Variants in COBL observed in about 807,000 individuals in gnomAD.
COBL encodes the protein cordon-bleu WH2 repeat protein, also known as protein cordon-bleu.
In COBL, 51 loss-of-function variants were observed where a neutral mutation model predicts 98.8. The ratio of observed to expected loss-of-function variants is 0.52; its 90% CI spans 0.41 to 0.65. The LOEUF is 0.65. COBL is among the 30% of genes least tolerant of loss of function. The pLI is 0.00. For synonymous variants in COBL, 634 were observed against 651.7 expected, an observed-to-expected ratio of 0.97 and a Z score of 0.41; for missense variants, 1,617 against 1,617.5, an observed-to-expected ratio of 1.00 and a Z score of 0.01.
At chr7:51,052,026 T>C (rs1027340358) in intron 7 of COBL, among the ~76,000 whole-genome samples, 3 of 152,242 alleles carry the variant, frequency 2.0e-5, no homozygotes, top group Non-Finnish European at 2.9e-5. Context: ...TATCAGACAG[T>C]ACAGCTCAAC....
chr7:51,059,158 C>A (rs796706690), intron 7 of COBL, among the ~76,000 whole-genome samples: 3 of 152,374 alleles, frequency 2.0e-5, no homozygotes, highest in African/African-American at 7.2e-5. Flanking sequence ...GGTAAATCAT[C>A]ACATTACTTG....
intron 7 of COBL, chr7:51,073,505 A>G: frequency 2.0e-6 from 1 of 489,084 alleles, no homozygotes; most frequent in Non-Finnish European, 3.7e-6. Context: ...GCGTTCTATC[A>G]GCCAAAGCAT....
intron 5 of COBL, among the ~76,000 whole-genome samples, chr7:51,147,714 G>A (rs1785163017): frequency 6.6e-6 from 1 of 151,940 alleles, no homozygotes; most frequent in Admixed American, 6.6e-5. Flanking sequence ...AGGCGAAATT[G>A]CGGGACCTAA....
chr7:51,191,948 A>G (rs1790156593), intron 3 of COBL, among the ~76,000 whole-genome samples: 1 of 152,198 alleles, frequency 6.6e-6, no homozygotes, highest in African/African-American at 2.4e-5. Flanking sequence ...ATAACAATGC[A>G]TTTTGGGAGA....
intron 2 of COBL, among the ~76,000 whole-genome samples, chr7:51,211,535 A>G (rs1792431079): frequency 1.3e-5 from 2 of 152,138 alleles, no homozygotes; most frequent in Non-Finnish European, 2.9e-5. Context: ...ATTTGCTCCC[A>G]CCTTTTCTAT....
rs919207567 is a variant in COBL, at chr7:51,156,139, C to A, written c.784-19808G>T. On this transcript the variant is annotated intron_variant, in intron 5 of 12. Transcript: ENST00000265136. ...AAGAAAACAAATATCAAAGACAGTC[C>A]ACTTAGGATATATCACTAAATGTTG... 3.1e-6 allele frequency: 3 copies of A among 976,978 alleles called. No individual in the cohort carries two copies. The South Asian group carries it at 1.4e-4, about 46-fold the overall frequency. 60.5% of individuals were successfully genotyped at this position (976,978 alleles called of 1,614,324 possible). A position where few individuals can be genotyped will look rare whatever the true frequency, so the allele number is the denominator to read the frequency against.
At chr7:51,204,028 A>C (rs1791420296) in intron 2 of COBL, among the ~76,000 whole-genome samples, 1 of 152,236 alleles carries the variant, frequency 6.6e-6, no homozygotes. Flanking sequence ...ATACTCCACA[A>C]CTAAGTAGGA....
chr7:51,120,186 T>A (rs1342300421), intron 6 of COBL, among the ~76,000 whole-genome samples: 1 of 151,844 alleles, frequency 6.6e-6, no homozygotes, highest in Admixed American at 6.6e-5. Context: ...AACAAGGGGG[T>A]CAAAACAGTG....
At chr7:51,265,978 A>G (rs1487594744) in intron 1 of COBL, among the ~76,000 whole-genome samples, 1 of 152,064 alleles carries the variant, frequency 6.6e-6, no homozygotes, top group Non-Finnish European at 1.5e-5. Flanking sequence ...TTTTTTTTCA[A>G]TTCACAATTC....
chr7:51,047,324 T>C (rs954357269), intron 7 of COBL, among the ~76,000 whole-genome samples: 4 of 152,198 alleles, frequency 2.6e-5, no homozygotes, highest in Admixed American at 2.6e-4. Context: ...ACCTAAATTA[T>C]ATAATCCCAT....
chr7:51,173,004 T>C (rs1788029532), intron 5 of COBL, among the ~76,000 whole-genome samples: 1 of 151,880 alleles, frequency 6.6e-6, no homozygotes, highest in African/African-American at 2.4e-5. Context: ...GGCCAGGCTG[T>C]TCTCGAACTC....
intron 4 of COBL, among the ~76,000 whole-genome samples, chr7:51,186,424 GA>G (rs1158194269): frequency 5.3e-5 from 8 of 152,218 alleles, no homozygotes; most frequent in African/African-American, 1.7e-4. Flanking sequence ...TGATAATCGA[GA>G]AGTAGAGCAT....
chr7:51,061,535 G>A (rs1791358665), intron 7 of COBL, among the ~76,000 whole-genome samples: 1 of 152,078 alleles, frequency 6.6e-6, no homozygotes, highest in Non-Finnish European at 1.5e-5. Flanking sequence ...TATAGGGGGC[G>A]AGTTGGCAAG....
At chr7:51,187,866 C>G (rs760163991) in intron 4 of COBL, 1 of 1,213,584 alleles carries the variant, frequency 8.2e-7, no homozygotes, top group Non-Finnish European at 1.0e-6. Context: ...CAGAGCCATG[C>G]ATAGTGCAGC....
intron 1 of COBL, among the ~76,000 whole-genome samples, chr7:51,289,181 C>CA (rs151017220): frequency 0.016 from 2,435 of 152,296 alleles, 64 homozygotes; most frequent in African/African-American, 0.055. Flanking sequence ...TATTCTTTCC[C>CA]AAATAGTCTT....
intron 12 of COBL, chr7:51,022,543 C>T (rs1474175830): frequency 1.1e-4 from 16 of 152,344 alleles, no homozygotes; most frequent in Admixed American, 1.0e-3. Context: ...CACAGCACAA[C>T]TTCCTCTGTT....
At chr7:51,245,155 C>G (rs924705133) in intron 1 of COBL, among the ~76,000 whole-genome samples, 7 of 152,150 alleles carry the variant, frequency 4.6e-5, no homozygotes, top group Admixed American at 2.0e-4. Flanking sequence ...TGCCTCTTCC[C>G]ATGATGACCT....
chr7:51,030,862 A>G lies in COBL; in HGVS notation c.1454T>C (p.Ile485Thr). 2 of 1,593,916 alleles carry G rather than the reference A, an allele frequency of 1.3e-6. No individual in the cohort carries two copies. The highest frequency in any genetic ancestry group is 1.1e-5 in the South Asian group (1 of 89,952). ...TASNDEEDLLIAGEFRKTLAE... is the reference protein window; with the variant it reads ...TASNDEEDLLTAGEFRKTLAE... The stretch of plus-strand genomic sequence containing the variant: ...AAGGGTTTTACGGAACTCTCCAGCA[A>G]TTAATAGGTCTTCTTCATCATTTGA... Residue 485 changes from isoleucine (I) to threonine (T), a missense_variant, in exon 9 of 13, where the codon ATT becomes ACT. Physicochemically the swap from Ile to Thr is moderately conservative, Grantham distance 89. Transcript: ENST00000265136.
chr7:51,110,993 A>G (rs1001055789), intron 6 of COBL, among the ~76,000 whole-genome samples: 2 of 152,262 alleles, frequency 1.3e-5, no homozygotes, highest in Admixed American at 6.5e-5. Flanking sequence ...TGCTGCTATA[A>G]ACATGCGTGT....
Sources: allele counts gnomAD v4.1 joint callset (sites outside exome capture counted in the v4.1 genomes callset), GRCh38; gene constraint gnomAD v4.1.1; transcripts MANE v1.5; gene names NCBI Gene and HGNC (gene_info 2026-07-23, HGNC 2026-07-21).